DCAF8L2: variants seen among roughly 807,000 people sequenced by gnomAD.
DCAF8L2 encodes the protein DDB1- and CUL4-associated factor 8-like protein 2.
For missense variants in DCAF8L2, 430 were observed against 490.7 expected, an observed-to-expected ratio of 0.88 and a Z score of 1.17; for synonymous variants, 200 against 190.9, an observed-to-expected ratio of 1.05 and a Z score of -0.39.
chrX:27,641,473 C>T (rs28884573), intron 2 of DCAF8L2, among the ~76,000 whole-genome samples: 4 of 45,426 alleles, frequency 8.8e-5, no homozygotes, highest in Admixed American at 2.6e-4. Flanking sequence ...CTTTACTTTT[C>T]TTTTTTTTTT....
At chrX:27,538,991 A>G in the DCAF8L2 span, among the ~76,000 whole-genome samples, 2 of 112,103 alleles carry the variant, frequency 1.8e-5, no homozygotes, top group East Asian at 5.7e-4. Flanking sequence ...ACCAATACTG[A>G]TCAAACTGCA....
chrX:27,638,377 G>A (rs1403524521), intron 2 of DCAF8L2, among the ~76,000 whole-genome samples: 1 of 111,596 alleles, frequency 9.0e-6, no homozygotes, highest in African/African-American at 3.3e-5. Flanking sequence ...GAAAGATGAT[G>A]GCTACTAAAT....
intron 4 of DCAF8L2, among the ~76,000 whole-genome samples, chrX:27,739,048 C>A (rs1032347241): frequency 2.7e-5 from 3 of 110,960 alleles, no homozygotes; most frequent in African/African-American, 9.8e-5. Flanking sequence ...ATTACAGCTT[C>A]CCCCTCACTA....
At chrX:27,542,692 G>A in the DCAF8L2 span, among the ~76,000 whole-genome samples, 6 of 106,164 alleles carry the variant, frequency 5.7e-5, no homozygotes, top group Middle Eastern at 4.7e-3. Context: ...ACAGGCGCCC[G>A]CCACTACGCC....
At chrX:27,673,186 T>C (rs1265389585) in intron 2 of DCAF8L2, among the ~76,000 whole-genome samples, 1 of 110,885 alleles carries the variant, frequency 9.0e-6, no homozygotes, top group Non-Finnish European at 1.9e-5. Flanking sequence ...AAACTTCTAA[T>C]GAATCCAAAT....
intron 1 of DCAF8L2, among the ~76,000 whole-genome samples, chrX:27,615,415 G>T (rs1348137756): frequency 9.0e-6 from 1 of 111,093 alleles, no homozygotes; most frequent in Non-Finnish European, 1.9e-5. Context: ...AAGAAGAAAT[G>T]ACTATATTCT....
At chrX:27,565,067 A>G in the DCAF8L2 span, among the ~76,000 whole-genome samples, 1 of 109,176 alleles carries the variant, frequency 9.2e-6, no homozygotes, top group East Asian at 2.9e-4. Flanking sequence ...TATATATTAT[A>G]TATATTCATT....
chrX:27,555,849 C>T, the DCAF8L2 span, among the ~76,000 whole-genome samples: 5 of 111,077 alleles, frequency 4.5e-5, no homozygotes, highest in Non-Finnish European at 1.9e-5. Context: ...ACAGCTCTAG[C>T]CCTGCCTGGT....
chrX:27,514,285 A>G, the DCAF8L2 span, among the ~76,000 whole-genome samples: 1 of 41,247 alleles, frequency 2.4e-5, no homozygotes, highest in South Asian at 2.1e-3. Flanking sequence ...ATATGTACAT[A>G]TGTGTGTGCA....
the DCAF8L2 span, among the ~76,000 whole-genome samples, chrX:27,579,615 T>TACACAC: frequency 0.083 from 7,312 of 87,809 alleles, 298 homozygotes; most frequent in East Asian, 0.21. Flanking sequence ...TTCAGAGAAA[T>TACACAC]ACACACACAC....
At chrX:27,658,849 T>C (rs1929448823) in intron 2 of DCAF8L2, among the ~76,000 whole-genome samples, 1 of 110,556 alleles carries the variant, frequency 9.0e-6, no homozygotes. Flanking sequence ...GGATAAAATC[T>C]ACCTATATTA....
the DCAF8L2 span, among the ~76,000 whole-genome samples, chrX:27,560,467 C>A: frequency 9.0e-6 from 1 of 111,258 alleles, no homozygotes; most frequent in Non-Finnish European, 1.9e-5. Context: ...CTTCCTTCAG[C>A]TGGTAATGTA....
chrX:27,473,671 A>G, the DCAF8L2 span, among the ~76,000 whole-genome samples: 1 of 110,474 alleles, frequency 9.1e-6, no homozygotes, highest in African/African-American at 3.3e-5. Flanking sequence ...AATCTTCACA[A>G]CAACTAACTC....
At chrX:27,726,494 T>C (rs1381623576) in intron 4 of DCAF8L2, among the ~76,000 whole-genome samples, 3 of 110,735 alleles carry the variant, frequency 2.7e-5, no homozygotes, top group Non-Finnish European at 5.7e-5. Flanking sequence ...GTGTAGAGCA[T>C]TAGTTATTAC....
chrX:27,574,395 T>C, the DCAF8L2 span, among the ~76,000 whole-genome samples: 1 of 111,935 alleles, frequency 8.9e-6, no homozygotes, highest in East Asian at 2.8e-4. Context: ...TTATACAGTT[T>C]GCAAATTAAG....
At chrX:27,670,145 C>T (rs1386722167) in intron 2 of DCAF8L2, among the ~76,000 whole-genome samples, 1 of 102,248 alleles carries the variant, frequency 9.8e-6, no homozygotes, top group Non-Finnish European at 2.0e-5. Context: ...TTGTGACTAC[C>T]ATACTTCCTG....
chrX:27,635,786 C>CGTGTGTGTGTGT lies in DCAF8L2; in HGVS notation c.-220+3820_-220+3831dup, dbSNP rs754830405. Among the ~76,000 whole-genome samples, 148 of 90,403 alleles carry CGTGTGTGTGTGT rather than the reference C, an allele frequency of 1.6e-3. 1 individual carries two copies. The highest frequency in any genetic ancestry group is 5.7e-3 in the African/African-American group (133 of 23,284). 78.5% of individuals were successfully genotyped at this position (90,403 alleles called of 115,157 possible). A position where few individuals can be genotyped will look rare whatever the true frequency, so the allele number is the denominator to read the frequency against. ...AACGTATGAAAGCAATTTCCTTTTACGTGTGTGTGTGTGTGTGTGTGTGTG... is the reference window on the plus strand; with the variant it reads ...AACGTATGAAAGCAATTTCCTTTTACGTGTGTGTGTGTGTGTGTGTGTGTGTGTGTGTGTGTG... On this transcript the variant is annotated intron_variant, in intron 2 of 4. Transcript: ENST00000451261.
At chrX:27,573,746 T>G in the DCAF8L2 span, among the ~76,000 whole-genome samples, 4 of 111,706 alleles carry the variant, frequency 3.6e-5, no homozygotes, top group Admixed American at 2.8e-4. Context: ...CAGCAAGCGC[T>G]AAGATATTCT....
chrX:27,485,386 C>A, the DCAF8L2 span, among the ~76,000 whole-genome samples: 364 of 111,295 alleles, frequency 3.3e-3, 2 homozygotes, highest in African/African-American at 0.011. Flanking sequence ...ACTGAAAAGG[C>A]AAATTATGGG....
Sources: allele counts gnomAD v4.1 joint callset (sites outside exome capture counted in the v4.1 genomes callset), GRCh38; gene constraint gnomAD v4.1.1; transcripts MANE v1.5; gene names NCBI Gene and HGNC (gene_info 2026-07-23, HGNC 2026-07-21).